The following KLF12 variants were observed in gnomAD, a reference collection of about 807,000 sequenced individuals.
KLF12 encodes the protein Krueppel-like factor 12.
KLF12 carries 9 observed loss-of-function variants against 37.8 expected under a neutral mutation model. The ratio of observed to expected loss-of-function variants is 0.24; its 90% CI spans 0.14 to 0.42. The LOEUF is 0.42. Among genes scored for constraint, KLF12 ranks in the 10% least tolerant of loss-of-function variants. KLF12 has a pLI of 1.00. For missense variants in KLF12, 411 were observed against 516.0 expected, an observed-to-expected ratio of 0.80 and a Z score of 1.97; for synonymous variants, 208 against 202.1, an observed-to-expected ratio of 1.03 and a Z score of -0.25.
At chr13:74,178,323 T>TTTTG in the KLF12 span, among the ~76,000 whole-genome samples, 6 of 152,006 alleles carry the variant, frequency 3.9e-5, no homozygotes, top group African/African-American at 1.2e-4. Flanking sequence ...AAAACAAGGT[T>TTTTG]TTTGTTTGTT....
At chr13:74,302,501 T>C in the KLF12 span, among the ~76,000 whole-genome samples, 2 of 152,092 alleles carry the variant, frequency 1.3e-5, no homozygotes. Context: ...ACTAAAGGAA[T>C]ATTTATTGGA....
At chr13:73,925,862 T>C (rs1444831405) in intron 3 of KLF12, among the ~76,000 whole-genome samples, 2 of 152,200 alleles carry the variant, frequency 1.3e-5, no homozygotes, top group African/African-American at 4.8e-5. Context: ...GTTTAAGACT[T>C]CAGCGGAGGA....
chr13:74,140,824 C>T, the KLF12 span, among the ~76,000 whole-genome samples: 5 of 152,076 alleles, frequency 3.3e-5, no homozygotes, highest in South Asian at 2.1e-4. Context: ...GAGGCCAAGG[C>T]GGGCAGATCA....
chr13:73,956,332 T>A (rs1337877678), intron 2 of KLF12, among the ~76,000 whole-genome samples: 1 of 152,208 alleles, frequency 6.6e-6, no homozygotes, highest in Non-Finnish European at 1.5e-5. Flanking sequence ...AGAGAGAGTA[T>A]ATTTGAGGAA....
chr13:73,727,916 C>T (rs1372596047), intron 6 of KLF12, among the ~76,000 whole-genome samples: 8 of 152,088 alleles, frequency 5.3e-5, no homozygotes, highest in African/African-American at 1.4e-4. Flanking sequence ...AGGCTGGTTT[C>T]GTACTCCTGA....
chr13:74,298,440 A>G, the KLF12 span, among the ~76,000 whole-genome samples: 1 of 152,168 alleles, frequency 6.6e-6, no homozygotes, highest in South Asian at 2.1e-4. Flanking sequence ...CTGCGTTTCA[A>G]ATGCTCCACA....
chr13:74,189,290 T>G, the KLF12 span, among the ~76,000 whole-genome samples: 1 of 152,236 alleles, frequency 6.6e-6, no homozygotes, highest in East Asian at 1.9e-4. Context: ...AAAAACCAGT[T>G]TTTCTTCGGT....
At position 73,972,515 on chromosome 13, in the gene KLF12, C is replaced by A. The variant is rs925586518; in HGVS notation, c.33+22475G>T. On this transcript the variant is annotated intron_variant, in intron 2 of 7. Coordinates refer to ENST00000377669, the MANE Select transcript of KLF12 (RefSeq NM_007249.5). ...GTAATATTGAGTATAACACCAATTGCATTTAAACATAAATGTCATAAGCTG... is the reference window on the plus strand; with the variant it reads ...GTAATATTGAGTATAACACCAATTGAATTTAAACATAAATGTCATAAGCTG... Among the ~76,000 whole-genome samples, 3 of 150,842 alleles carry A rather than the reference C, an allele frequency of 2.0e-5. No individual in the cohort carries two copies. The Admixed American group carries it at 2.0e-4, about 10-fold the overall frequency.
the KLF12 span, chr13:74,259,266 G>A: frequency 1.3e-5 from 2 of 152,190 alleles, no homozygotes; most frequent in African/African-American, 2.4e-5. Context: ...GTATCCCAGG[G>A]ATTCCCCTTC....
At chr13:74,019,991 C>T (rs149995403) in intron 1 of KLF12, among the ~76,000 whole-genome samples, 45 of 152,304 alleles carry the variant, frequency 3.0e-4, no homozygotes, top group South Asian at 4.2e-4. Flanking sequence ...TGGCCTGTGG[C>T]CATGTCTTAA....
At chr13:74,065,482 A>C (rs1284072666) in intron 1 of KLF12, among the ~76,000 whole-genome samples, 1 of 152,118 alleles carries the variant, frequency 6.6e-6, no homozygotes. Flanking sequence ...ATTGAAAGAA[A>C]TAAGACCTAT....
In KLF12 at chr13:73,881,353, C is replaced by G. The variant is rs147486175; in HGVS notation, c.124-34980G>C. ...AAAATAATTGCTTCCATTTCTTTAGCAAGGTATGTTTTTTCTTGTAATTAA... is the reference window on the plus strand; with the variant it reads ...AAAATAATTGCTTCCATTTCTTTAGGAAGGTATGTTTTTTCTTGTAATTAA... On this transcript the variant is annotated intron_variant, in intron 3 of 7. Coordinates refer to ENST00000377669, the MANE Select transcript of KLF12 (RefSeq NM_007249.5). Among the ~76,000 whole-genome samples, 275 of 152,132 alleles carry G rather than the reference C, an allele frequency of 1.8e-3. 2 individuals carry two copies. The highest frequency in any genetic ancestry group is 6.4e-3 in the African/African-American group (264 of 41,530).
chr13:73,804,360 GA>G (rs1406246924), intron 5 of KLF12, among the ~76,000 whole-genome samples: 1 of 152,172 alleles, frequency 6.6e-6, no homozygotes, highest in South Asian at 2.1e-4. Context: ...CTCTTTGAAA[GA>G]ATATATGACT....
At chr13:73,796,395 G>A (rs923584057) in intron 5 of KLF12, among the ~76,000 whole-genome samples, 19 of 151,248 alleles carry the variant, frequency 1.3e-4, no homozygotes, top group African/African-American at 3.9e-4. Flanking sequence ...AACTAAACAG[G>A]CTTCTCACAT....
chr13:74,182,220 G>A, the KLF12 span, among the ~76,000 whole-genome samples: 1 of 152,180 alleles, frequency 6.6e-6, no homozygotes, highest in East Asian at 1.9e-4. Context: ...CACTGCGTTA[G>A]GAAGGAGAAA....
the KLF12 span, among the ~76,000 whole-genome samples, chr13:74,164,649 A>G: frequency 6.6e-6 from 1 of 152,222 alleles, no homozygotes. Context: ...TTGAAAGACT[A>G]TATGCTTTTG....
chr13:73,819,096 G>A (rs58137909), intron 4 of KLF12, among the ~76,000 whole-genome samples: 7,954 of 152,244 alleles, frequency 0.052, 342 homozygotes, highest in African/African-American at 0.11. Flanking sequence ...AATTGTTCCA[G>A]AAAAGGAGGG....
chr13:74,216,350 T>G, the KLF12 span, among the ~76,000 whole-genome samples: 1 of 152,128 alleles, frequency 6.6e-6, no homozygotes, highest in African/African-American at 2.4e-5. Flanking sequence ...AATATTCAAG[T>G]GTTTCATTGG....
intron 1 of KLF12, among the ~76,000 whole-genome samples, chr13:74,057,424 G>C (rs1873308739): frequency 6.6e-6 from 1 of 152,118 alleles, no homozygotes; most frequent in Admixed American, 6.5e-5. Context: ...CCAAAGAACA[G>C]GTTACAGCAT....
Sources: gnomAD v4.1 joint callset for allele counts (sites outside exome capture counted in the v4.1 genomes callset) on GRCh38, gnomAD v4.1.1 for gene constraint, MANE v1.5 for transcripts, NCBI Gene and HGNC (gene_info 2026-07-23, HGNC 2026-07-21) for gene names.